The following MN1 variants were observed in gnomAD, a reference collection of about 807,000 sequenced individuals.
MN1 encodes MN1 proto-oncogene, transcriptional regulator, also known as transcriptional activator MN1.
In MN1, 19 loss-of-function variants were observed where a neutral mutation model predicts 86.9. The observed-to-expected ratio is 0.22, with a 90% confidence interval of 0.15 to 0.32. The LOEUF is 0.32. MN1 is among the 10% of genes least tolerant of loss of function. The pLI, the probability that MN1 is intolerant of heterozygous loss-of-function variation, is 1.00. For synonymous variants in MN1, 928 were observed against 849.6 expected, an observed-to-expected ratio of 1.09 and a Z score of -1.60; for missense variants, 1,841 against 1,862.0, an observed-to-expected ratio of 0.99 and a Z score of 0.21.
intron 1 of MN1, among the ~76,000 whole-genome samples, chr22:27,761,801 C>T (rs985717086): frequency 3.3e-5 from 5 of 152,254 alleles, no homozygotes; most frequent in Non-Finnish European, 7.3e-5. Flanking sequence ...GAGGCTGGGC[C>T]AGGCCCCTGG....
At chr22:27,787,438 C>G (rs45440193) in intron 1 of MN1, among the ~76,000 whole-genome samples, 1 of 152,358 alleles carries the variant, frequency 6.6e-6, no homozygotes, top group African/African-American at 2.4e-5. Flanking sequence ...AGAAGAGACT[C>G]TTAATTTCTC....
At chr22:27,795,079 GAGA>G (rs1933271110) in intron 1 of MN1, among the ~76,000 whole-genome samples, 1 of 152,026 alleles carries the variant, frequency 6.6e-6, no homozygotes, top group South Asian at 2.1e-4. Flanking sequence ...GGAAAAAAGG[GAGA>G]AGAAGCTGAG....
chr22:27,764,956 C>T (rs1932858414), intron 1 of MN1, among the ~76,000 whole-genome samples: 1 of 152,194 alleles, frequency 6.6e-6, no homozygotes, highest in South Asian at 2.1e-4. Context: ...CATTTGTTTA[C>T]ATTTTGTTTA....
At chr22:27,774,230 G>C (rs760369772) in intron 1 of MN1, among the ~76,000 whole-genome samples, 1 of 152,214 alleles carries the variant, frequency 6.6e-6, no homozygotes. Flanking sequence ...CGTCGTGAAC[G>C]GGGATATTCC....
At position 27,799,198 on chromosome 22, in the gene MN1, G is replaced by A. The variant is rs543407693; in HGVS notation, c.1346C>T (p.Pro449Leu). The change falls in exon 1 of 2, where the codon CCC becomes CTC. Residue 449 changes from proline (P) to leucine (L), a missense_variant. Transcript: ENST00000302326. ...NQRLQHFDAPPYMNVAKRPRF... is the reference protein window; with the variant it reads ...NQRLQHFDAPLYMNVAKRPRF... ...CGGCCTCTTGGCCACGTTCATGTAGGGGGGCGCGTCGAAATGCTGCAGCCG... is the reference window on the plus strand; with the variant it reads ...CGGCCTCTTGGCCACGTTCATGTAGAGGGGCGCGTCGAAATGCTGCAGCCG... 2 of 1,605,096 alleles carry A rather than the reference G, an allele frequency of 1.2e-6. No individual in the cohort carries two copies. The highest frequency in any genetic ancestry group is 2.2e-5 in the South Asian group (2 of 90,650).
rs45522035 is a variant in MN1, at chr22:27,762,073, A to G, written c.3782-10977T>C. On this transcript the variant is annotated intron_variant, in intron 1 of 1. Coordinates refer to ENST00000302326, the MANE Select transcript of MN1 (RefSeq NM_002430.3). Reference sequence around the variant, plus strand: ...TGGGCTCCTCGCACCAGGCCTGGGCATCTCTGATTGGGCTCCCTGTCCTGC... The same window carrying G: ...TGGGCTCCTCGCACCAGGCCTGGGCGTCTCTGATTGGGCTCCCTGTCCTGC... Among the ~76,000 whole-genome samples the G allele has an allele frequency of 3.6e-3, 552 of 152,256 alleles. 20 individuals are homozygous for G. In the East Asian group the frequency reaches 0.085, roughly 23 times the overall value.
intron 1 of MN1, among the ~76,000 whole-genome samples, chr22:27,754,877 C>T (rs1932792594): frequency 6.6e-6 from 1 of 152,202 alleles, no homozygotes; most frequent in Admixed American, 6.5e-5. Flanking sequence ...TCACAGGACC[C>T]AGTGAGTGCT....
In MN1 at chr22:27,798,708, G is replaced by A. The variant is rs1252776469; in HGVS notation, c.1836C>T (p.Ala612=). The change falls in exon 1 of 2, where the codon GCC becomes GCT. Residue 612 remains alanine (A), a synonymous_variant. Transcript: ENST00000302326. ...GCTGCTCGAAGGTGCCCAGACGCCCGGCGCCCGTGCTGCCGCCTTCGCGCT... is the reference window on the plus strand; with the variant it reads ...GCTGCTCGAAGGTGCCCAGACGCCCAGCGCCCGTGCTGCCGCCTTCGCGCT... ...NFEREGGSTG[A]GRLGTFEQQA... is the part of the protein sequence containing the mutation. The A allele has an allele frequency of 9.1e-6, 14 of 1,535,124 alleles. No individual in the cohort carries two copies. Among genetic ancestry groups the A allele is most frequent in the Non-Finnish European group, 1.2e-5 (14 of 1,146,968 alleles).
intron 1 of MN1, among the ~76,000 whole-genome samples, chr22:27,765,703 C>G (rs1307367950): frequency 6.6e-6 from 1 of 152,192 alleles, no homozygotes; most frequent in African/African-American, 2.4e-5. Flanking sequence ...GGGTCTGGCC[C>G]AGGTTCTCTC....
rs1232164500 is a variant in MN1 at position 27,800,277 on chromosome 22, G to A, written c.267C>T (p.His89=). ...HAGGLQAQPV[H]GFFGGQQPHH... ...GAGGCTGCTGGCCGCCAAAGAAGCCGTGCACAGGCTGCGCTTGCAGCCCCC... is the reference window on the plus strand; with the variant it reads ...GAGGCTGCTGGCCGCCAAAGAAGCCATGCACAGGCTGCGCTTGCAGCCCCC... Residue 89 remains histidine (H), a synonymous_variant, in exon 1 of 2, where the codon CAC becomes CAT. Coordinates refer to ENST00000302326, the MANE Select transcript of MN1 (RefSeq NM_002430.3). 1 of 1,582,318 alleles carries A rather than the reference G, an allele frequency of 6.3e-7. No individual in the cohort carries two copies. Among genetic ancestry groups the A allele is most frequent in the South Asian group, 1.2e-5 (1 of 85,778 alleles).
At chr22:27,755,091 C>T (rs548254787) in intron 1 of MN1, among the ~76,000 whole-genome samples, 1 of 152,296 alleles carries the variant, frequency 6.6e-6, no homozygotes, top group South Asian at 2.1e-4. Flanking sequence ...CAGGGGTCAC[C>T]CACGGCCATG....
intron 1 of MN1, among the ~76,000 whole-genome samples, chr22:27,766,901 C>T (rs910190474): frequency 6.6e-6 from 1 of 152,114 alleles, no homozygotes; most frequent in Non-Finnish European, 1.5e-5. Context: ...TCATTTTTCC[C>T]CTCTTCCTGG....
At chr22:27,757,834 C>G in intron 1 of MN1, among the ~76,000 whole-genome samples, 1 of 152,044 alleles carries the variant, frequency 6.6e-6, no homozygotes, top group Non-Finnish European at 1.5e-5. Flanking sequence ...CTGTTCCTCA[C>G]CTCCTTAGAA....
intron 1 of MN1, among the ~76,000 whole-genome samples, chr22:27,781,417 C>T (rs778820851): frequency 1.2e-4 from 19 of 152,152 alleles, no homozygotes; most frequent in Admixed American, 2.0e-4. Context: ...CCTGCAGCCA[C>T]GACAACCAAA....
At position 27,748,509 on chromosome 22, in the gene MN1, T is replaced by C. The variant is rs1932719517; in HGVS notation, c.*2406A>G. ...CAGGATTGCCTAACACACAGCAGAG[T>C]TAAGTTTTCATATTTTACATGTGCA... On this transcript the variant is annotated 3_prime_UTR_variant, in exon 2 of 2. Transcript: ENST00000302326. 2 of 200,790 alleles carry C rather than the reference T, an allele frequency of 1.0e-5. No individual in the cohort carries two copies. Among genetic ancestry groups the C allele is most frequent in the Non-Finnish European group, 2.1e-5 (2 of 97,210 alleles). 12.4% of individuals were successfully genotyped at this position (200,790 alleles called of 1,614,324 possible).
rs1192275572 is a variant in MN1 at position 27,799,679 on chromosome 22, G to A, written c.865C>T (p.His289Tyr). Residue 289 changes from histidine (H) to tyrosine (Y), a missense_variant, in exon 1 of 2, where the codon CAC becomes TAC. Coordinates refer to ENST00000302326, the MANE Select transcript of MN1 (RefSeq NM_002430.3). ...GGCTGCTGCTGCGGTGGCTGGGCGT[G>A]CATTTTGGACAAGCCCACCATGCCC... ...AAGMVGLSKM[H>Y]AQPPQQQPQQ... 2.6e-6 allele frequency: 4 copies of A among 1,554,118 alleles called. No individual in the cohort carries two copies. Among genetic ancestry groups the A allele is most frequent in the Non-Finnish European group, 3.5e-6 (4 of 1,149,648 alleles).
At chr22:27,759,593 G>A (rs916213149) in intron 1 of MN1, among the ~76,000 whole-genome samples, 1 of 152,218 alleles carries the variant, frequency 6.6e-6, no homozygotes, top group Admixed American at 6.5e-5. Context: ...TGTGATCTTC[G>A]GTGGGTCCAC....
intron 1 of MN1, among the ~76,000 whole-genome samples, chr22:27,765,631 C>T (rs1257084262): frequency 6.6e-6 from 1 of 152,216 alleles, no homozygotes; most frequent in East Asian, 1.9e-4. Context: ...ATGGGCAAAG[C>T]AGACAGTGAC....
intron 1 of MN1, among the ~76,000 whole-genome samples, chr22:27,769,368 G>A (rs970965736): frequency 1.3e-5 from 2 of 152,012 alleles, no homozygotes; most frequent in Non-Finnish European, 2.9e-5. Flanking sequence ...GTCAGATGAT[G>A]AGTCAAGGCC....
Sources: allele counts gnomAD v4.1 joint callset (sites outside exome capture counted in the v4.1 genomes callset), GRCh38; gene constraint gnomAD v4.1.1; transcripts MANE v1.5; gene names NCBI Gene and HGNC (gene_info 2026-07-23, HGNC 2026-07-21).